The following STX5 variants were observed in gnomAD, a reference collection of about 807,000 sequenced individuals.
STX5 encodes the protein syntaxin-5.
STX5 carries 15 observed loss-of-function variants against 42.9 expected under a neutral mutation model. That is an observed-to-expected ratio of 0.35 (90% CI 0.23 to 0.54). The LOEUF is 0.54. Among genes scored for constraint, STX5 ranks in the 20% least tolerant of loss-of-function variants. The pLI is 0.91. For synonymous variants in STX5, 184 were observed against 173.2 expected (o/e 1.06, Z -0.49); for missense variants, 430 against 455.0 (o/e 0.95, Z 0.50).
rs1408930852 is a variant in STX5 at position 62,807,519 on chromosome 11, A to T, written c.1018T>A (p.Phe340Ile). The T allele has an allele frequency of 1.9e-6, 3 of 1,614,028 alleles. No individual in the cohort carries two copies. The highest frequency in any genetic ancestry group is 2.2e-5 in the East Asian group (1 of 44,892). ...ATGAAGAAGACAATGAGGATGAGGA[A>T]GATTTTGACCATGAGCCACCGGTTG... ...TSNRWLMVKI[F>I]LILIVFFIIF... The change falls in exon 11 of 11, where the codon TTC (phenylalanine) becomes ATC (isoleucine). Residue 340 changes from phenylalanine to isoleucine, a missense_variant. By Grantham distance (21) the Phe-to-Ile change is conservative. Transcript: ENST00000294179.
chr11:62,826,771 T>C (rs1167493436), intron 5 of STX5, among the ~76,000 whole-genome samples: 3 of 146,676 alleles, frequency 2.0e-5, no homozygotes, highest in African/African-American at 7.6e-5. Context: ...TCCCAGCTAC[T>C]GGGGAGGCTG....
At chr11:62,819,337 T>C (rs890459354) in intron 10 of STX5, among the ~76,000 whole-genome samples, 1 of 149,106 alleles carries the variant, frequency 6.7e-6, no homozygotes, top group African/African-American at 2.5e-5. Flanking sequence ...AAAGAAATTG[T>C]TGTCAGCAGA....
rs1190170761 is a variant in STX5 at position 62,831,268 on chromosome 11, G to A, written c.-19-6C>T. On this transcript the variant is annotated splice_polypyrimidine_tract_variant and splice_region_variant and intron_variant, in intron 1 of 10. Coordinates refer to ENST00000294179, the MANE Select transcript of STX5 (RefSeq NM_003164.5). Reference sequence around the variant, plus strand: ...TTGAGACGCATAACCTCGGACTGTTGTGGAGGGGAGAGTGTCATTCCCCAG... The same window carrying A: ...TTGAGACGCATAACCTCGGACTGTTATGGAGGGGAGAGTGTCATTCCCCAG... 1.9e-6 allele frequency: 3 copies of A among 1,539,400 alleles called. No homozygotes were observed. Among genetic ancestry groups the A allele is most frequent in the Non-Finnish European group, 2.6e-6 (3 of 1,135,862 alleles).
intron 2 of STX5, among the ~76,000 whole-genome samples, chr11:62,828,208 G>C (rs949856069): frequency 6.6e-6 from 1 of 151,742 alleles, no homozygotes; most frequent in Non-Finnish European, 1.5e-5. Context: ...TCGACATCCT[G>C]GGCTCAAGTG....
At chr11:62,823,784 C>A (rs1051562341) in intron 10 of STX5, 1 of 183,504 alleles carries the variant, frequency 5.4e-6, no homozygotes, top group East Asian at 1.5e-4. Flanking sequence ...TGAACTCAAG[C>A]GATCTGCATT....
At chr11:62,814,976 G>A (rs1441252930) in intron 10 of STX5, among the ~76,000 whole-genome samples, 2 of 151,772 alleles carry the variant, frequency 1.3e-5, no homozygotes, top group Admixed American at 1.3e-4. Flanking sequence ...TCACATATTA[G>A]GAAATAGTTA....
Position 62,825,531 on chromosome 11 carries a change from A to G in STX5, c.432T>C (p.Asn144=), listed in dbSNP as rs1348983574. 6.2e-7 allele frequency: 1 copy of G among 1,613,502 alleles called. No individual in the cohort carries two copies. Among genetic ancestry groups the G allele is most frequent in the Non-Finnish European group, 8.5e-7 (1 of 1,180,014 alleles). ...ELTYIIKQDI[N]SLNKQIAQLQ... is the part of the protein sequence containing the mutation. ...GCTGAGCAATTTGTTTGTTGAGGCT[A>G]TTGATGTCCTGGTAAAAGAGTCCAA... Residue 144 remains asparagine (N), a synonymous_variant, in exon 6 of 11, where the codon AAT becomes AAC. Coordinates refer to ENST00000294179, the MANE Select transcript of STX5 (RefSeq NM_003164.5).
chr11:62,814,961 G>A (rs551932415), intron 10 of STX5, among the ~76,000 whole-genome samples: 8 of 151,812 alleles, frequency 5.3e-5, no homozygotes, highest in African/African-American at 1.7e-4. Context: ...AACCCTCACT[G>A]GATATCACAT....
intron 1 of STX5, 29 bp downstream of exon 1, chr11:62,831,925 G>C (rs1032632567): frequency 4.4e-6 from 2 of 457,956 alleles, no homozygotes; most frequent in African/African-American, 4.0e-5. Flanking sequence ...TGACACGGCG[G>C]CCAGATCCCC....
intron 2 of STX5, 79 bp from the exon 3 acceptor site, chr11:62,827,710 C>A: frequency 6.9e-7 from 1 of 1,443,726 alleles, no homozygotes; most frequent in Non-Finnish European, 9.7e-7. Flanking sequence ...GAGGTGTCCA[C>A]TAACCTATCT....
intron 2 of STX5, among the ~76,000 whole-genome samples, chr11:62,829,063 A>G (rs968929998): frequency 7.3e-5 from 10 of 137,340 alleles, no homozygotes; most frequent in Admixed American, 6.9e-4. Context: ...CTGTCTCAAA[A>G]ACAAACAAAC....
intron 10 of STX5, among the ~76,000 whole-genome samples, chr11:62,811,791 C>T (rs1395459166): frequency 6.6e-6 from 1 of 151,512 alleles, no homozygotes. Context: ...CCAGCCTCAT[C>T]CCCTTCTCTT....
At chr11:62,818,543 CAA>C (rs2084700945) in intron 10 of STX5, among the ~76,000 whole-genome samples, 2 of 118,826 alleles carry the variant, frequency 1.7e-5, no homozygotes, top group East Asian at 2.5e-4. Flanking sequence ...GCCTGGGCAA[CAA>C]GAGCAAAAAC....
At chr11:62,813,167 G>A (rs1283340932) in intron 10 of STX5, among the ~76,000 whole-genome samples, 2 of 151,354 alleles carry the variant, frequency 1.3e-5, no homozygotes, top group Non-Finnish European at 2.9e-5. Flanking sequence ...CCAGCTACTC[G>A]GGAGGCTGAG....
intron 10 of STX5, among the ~76,000 whole-genome samples, chr11:62,815,644 C>T (rs1164919796): frequency 6.6e-6 from 1 of 151,806 alleles, no homozygotes; most frequent in Non-Finnish European, 1.5e-5. Context: ...TCAAGCACTG[C>T]TCCTGCCTCA....
In STX5 at chr11:62,824,502, A is replaced by G. The variant is rs2084773151; in HGVS notation, c.743T>C (p.Met248Thr). Residue 248 changes from methionine (M) to threonine (T), a missense_variant, in exon 9 of 11, where the codon ATG (methionine) becomes ACG (threonine). By Grantham distance (81) the Met-to-Thr change is moderately conservative. Transcript: ENST00000294179. ...HASKDVAIDMMDSRTSQQLQL... is the reference protein window; with the variant it reads ...HASKDVAIDMTDSRTSQQLQL... Reference sequence around the variant, plus strand: ...CAGCTGCTGGCTGGTCCGAGAGTCCATCATGTCGATGGCGACATCCTTGGA... The same window carrying G: ...CAGCTGCTGGCTGGTCCGAGAGTCCGTCATGTCGATGGCGACATCCTTGGA... 1 of 1,614,204 alleles carries G rather than the reference A, an allele frequency of 6.2e-7. No individual in the cohort carries two copies.
In STX5 at chr11:62,807,361, A is replaced by G; in HGVS notation, c.*108T>C. 6.8e-7 allele frequency: 1 copy of G among 1,471,792 alleles called. No individual in the cohort carries two copies. The highest frequency in any genetic ancestry group is 1.4e-5 in the South Asian group (1 of 73,076). The allele number at this position is 1,471,792 out of a possible 1,614,324, so 91.2% of individuals were successfully genotyped here. A position where few individuals can be genotyped will look rare whatever the true frequency, so the allele number is the denominator to read the frequency against. ...GGTCATTCTTAGCAGTTCCAGGGAA[A>G]CAGGGCCTTTCTCCCAAGTACCCTG... On this transcript the variant is annotated 3_prime_UTR_variant, in exon 11 of 11. Coordinates refer to ENST00000294179, the MANE Select transcript of STX5 (RefSeq NM_003164.5).
At position 62,831,166 on chromosome 11, in the gene STX5, C is replaced by T; in HGVS notation, c.78G>A (p.Leu26=). 6.4e-7 allele frequency: 1 copy of T among 1,563,338 alleles called. No individual in the cohort carries two copies. The highest frequency in any genetic ancestry group is 1.2e-5 in the South Asian group (1 of 85,188). ...VYLGLSKTQV[L]SPATAGSSSS... ...TGCTACTGCCAGCAGTTGCAGGGGACAGGACCTGTGTCTTTGAGAGACCCA... is the reference window on the plus strand; with the variant it reads ...TGCTACTGCCAGCAGTTGCAGGGGATAGGACCTGTGTCTTTGAGAGACCCA... Residue 26 remains leucine, a synonymous_variant, in exon 2 of 11, where the codon CTG becomes CTA. Transcript: ENST00000294179.
intron 10 of STX5, among the ~76,000 whole-genome samples, chr11:62,815,623 G>T (rs2084665513): frequency 6.7e-6 from 1 of 150,054 alleles, no homozygotes; most frequent in Non-Finnish European, 1.5e-5. Flanking sequence ...TGCAACCTCT[G>T]CCTCCCAGGT....
Sources: gnomAD v4.1 joint callset for allele counts (sites outside exome capture counted in the v4.1 genomes callset) on GRCh38, gnomAD v4.1.1 for gene constraint, MANE v1.5 for transcripts, NCBI Gene and HGNC (gene_info 2026-07-23, HGNC 2026-07-21) for gene names.